Variants in C8A observed in about 807,000 individuals in gnomAD.
C8A encodes complement C8 alpha chain, also known as complement component C8 alpha chain.
A neutral mutation model predicts 65.3 loss-of-function variants in C8A; 67 were observed. That is an observed-to-expected ratio of 1.03 (90% CI 0.84 to 1.26). C8A has a LOEUF of 1.26. Ranked by LOEUF, C8A falls within the 50% of genes most tolerant of loss-of-function variation. The probability of loss-of-function intolerance (pLI) is 0.00; values close to 1 mark genes in which losing one functional copy is unlikely to be tolerated. For synonymous variants in C8A, 290 were observed against 259.4 expected, an observed-to-expected ratio of 1.12 and a Z score of -1.13; for missense variants, 781 against 723.9, an observed-to-expected ratio of 1.08 and a Z score of -0.90.
chr1:56,885,328 A>AC (rs1491481556), intron 6 of C8A, among the ~76,000 whole-genome samples: 22 of 125,874 alleles, frequency 1.7e-4, no homozygotes, highest in African/African-American at 5.2e-4. Context: ...ATATTTATTT[A>AC]AATATATATT....
At position 56,886,021 on chromosome 1, in the gene C8A, C is replaced by T. The variant is rs563439122; in HGVS notation, c.950C>T (p.Ser317Leu). Residue 317 changes from serine to leucine, a missense_variant, in exon 7 of 11, where the codon TCA becomes TTA. By Grantham distance (145) the Ser-to-Leu change is moderately radical. Coordinates refer to ENST00000361249, the MANE Select transcript of C8A (RefSeq NM_000562.3). ...DIMLDEGMLQ[S>L]LMELPDQYNY... ...ATGCTGGATGAAGGAATGCTGCAGT[C>T]ATTAATGGAGCTTCCAGATCAGTAC... 6.2e-7 allele frequency: 1 copy of T among 1,614,040 alleles called. No homozygotes were observed. Among genetic ancestry groups the T allele is most frequent in the African/African-American group, 1.3e-5 (1 of 75,058 alleles).
At chr1:56,907,541 G>A (rs1644475462) in intron 8 of C8A, among the ~76,000 whole-genome samples, 1 of 152,126 alleles carries the variant, frequency 6.6e-6, no homozygotes, top group African/African-American at 2.4e-5. Flanking sequence ...TAGCTAACTA[G>A]TTTCTTTCAC....
intron 9 of C8A, among the ~76,000 whole-genome samples, chr1:56,912,183 C>T (rs1644513033): frequency 6.6e-6 from 1 of 152,198 alleles, no homozygotes; most frequent in Non-Finnish European, 1.5e-5. Context: ...CTGAGCCAGT[C>T]ACTTAAACAC....
In C8A at chr1:56,877,673, G is replaced by A. The variant is rs138397720; in HGVS notation, c.464+1464G>A. 2.5e-3 allele frequency among the ~76,000 whole-genome samples: 377 copies of A among 152,170 alleles called. 1 individual carries two copies. The highest frequency in any genetic ancestry group is 4.8e-3 in the Admixed American group (74 of 15,286). Reference sequence around the variant, plus strand: ...GTCAGAGCTTGTCCTATAGCCTCTCGCTGAGTGTTGGTTGAATTGAAACAA... The same window carrying A: ...GTCAGAGCTTGTCCTATAGCCTCTCACTGAGTGTTGGTTGAATTGAAACAA... On this transcript the variant is annotated intron_variant, in intron 4 of 10. Coordinates refer to ENST00000361249, the MANE Select transcript of C8A (RefSeq NM_000562.3).
intron 7 of C8A, among the ~76,000 whole-genome samples, chr1:56,898,081 G>A (rs377734055): frequency 1.3e-5 from 2 of 152,134 alleles, no homozygotes; most frequent in East Asian, 3.9e-4. Context: ...GGAAGAGAAG[G>A]GAGTTGCATG....
intron 7 of C8A, among the ~76,000 whole-genome samples, chr1:56,906,279 C>T (rs1644463246): frequency 6.6e-6 from 1 of 152,000 alleles, no homozygotes; most frequent in Admixed American, 6.6e-5. Flanking sequence ...GGAGGAGGGG[C>T]ATTTAGAGTA....
Position 56,885,812 on chromosome 1 carries a change from A to C in C8A, c.856-115A>C, listed in dbSNP as rs376936908. On this transcript the variant is annotated intron_variant, in intron 6 of 10. Transcript: ENST00000361249. ...TGATCCTCCAGCTTCTGCCTCCCAA[A>C]ATGCTGGGATTACAGGCATGAGCCA... 128 of 1,432,496 alleles carry C rather than the reference A, an allele frequency of 8.9e-5. 4 individuals carry two copies. Among genetic ancestry groups the C allele is most frequent in the East Asian group, 4.7e-4 (20 of 42,520 alleles). The allele number at this position is 1,432,496 out of a possible 1,614,324, so 88.7% of individuals were successfully genotyped here.
intron 1 of C8A, among the ~76,000 whole-genome samples, chr1:56,858,435 G>C (rs1643998061): frequency 6.6e-6 from 1 of 152,152 alleles, no homozygotes; most frequent in Non-Finnish European, 1.5e-5. Flanking sequence ...TTGATGAAAA[G>C]CAGAATTCCT....
chr1:56,855,828 G>A (rs983685284), intron 1 of C8A, among the ~76,000 whole-genome samples: 12 of 151,962 alleles, frequency 7.9e-5, no homozygotes, highest in African/African-American at 2.2e-4. Flanking sequence ...TAGAGCAAGT[G>A]AGAATTCCTT....
chr1:56,912,124 C>T (rs1312685579), intron 9 of C8A, among the ~76,000 whole-genome samples: 1 of 152,138 alleles, frequency 6.6e-6, no homozygotes, highest in African/African-American at 2.4e-5. Flanking sequence ...TTTTAACTGC[C>T]CCTCTCTAAA....
chr1:56,906,927 C>T (rs1233110715), intron 8 of C8A, 135 bp downstream of exon 8: 3 of 1,052,230 alleles, frequency 2.9e-6, no homozygotes, highest in Non-Finnish European at 4.4e-6. Flanking sequence ...ACGCTAAATA[C>T]CCCAAAACAA....
At chr1:56,862,581 C>T (rs1644044835) in intron 1 of C8A, among the ~76,000 whole-genome samples, 1 of 152,180 alleles carries the variant, frequency 6.6e-6, no homozygotes, top group Admixed American at 6.5e-5. Flanking sequence ...TGGTACTCTG[C>T]AGGGTACATT....
chr1:56,909,198 G>T (rs913143328), intron 9 of C8A, among the ~76,000 whole-genome samples: 29 of 152,216 alleles, frequency 1.9e-4, no homozygotes, highest in African/African-American at 6.5e-4. Flanking sequence ...TCCATATGTG[G>T]TGTAGTCCAT....
At chr1:56,878,943 C>A (rs1644225570) in intron 4 of C8A, among the ~76,000 whole-genome samples, 1 of 152,178 alleles carries the variant, frequency 6.6e-6, no homozygotes, top group South Asian at 2.1e-4. Context: ...CACTTTTATA[C>A]TTAATAGTAG....
chr1:56,893,410 G>A (rs1265720671), intron 7 of C8A, among the ~76,000 whole-genome samples: 2 of 152,124 alleles, frequency 1.3e-5, no homozygotes, highest in Admixed American at 1.3e-4. Context: ...GATACATCTG[G>A]GTGGGGCTCT....
intron 7 of C8A, among the ~76,000 whole-genome samples, chr1:56,891,516 C>A (rs1056494389): frequency 2.6e-5 from 4 of 151,988 alleles, no homozygotes; most frequent in African/African-American, 9.7e-5. Flanking sequence ...ATTAGAGGAG[C>A]AGGAGTGGAC....
In C8A at chr1:56,876,078, C is replaced by A; in HGVS notation, c.333C>A (p.Arg111=). The part of the protein sequence containing the change: ...QCKETGRCLK[R]HLVCNGDQDC... ...TCTCTCCAGGTCGCTGCCTGAAACGCCACCTTGTGTGTAATGGAGACCAGG... is the reference window on the plus strand; with the variant it reads ...TCTCTCCAGGTCGCTGCCTGAAACGACACCTTGTGTGTAATGGAGACCAGG... Residue 111 remains arginine, a synonymous_variant, in exon 4 of 11, where the codon CGC becomes CGA. Transcript: ENST00000361249. 1 of 1,613,696 alleles carries A rather than the reference C, an allele frequency of 6.2e-7. No homozygotes were observed. Among genetic ancestry groups the A allele is most frequent in the Non-Finnish European group, 8.5e-7 (1 of 1,179,812 alleles).
Position 56,906,808 on chromosome 1 carries a change from T to C in C8A, c.1222+16T>C, listed in dbSNP as rs762459204. 1.3e-5 allele frequency: 21 copies of C among 1,613,906 alleles called. No homozygotes were observed. Among genetic ancestry groups the C allele is most frequent in the South Asian group, 3.3e-5 (3 of 91,074 alleles). ...GGCAAAACTGGCAAGTGTTTAGTAA[T>C]AGATCTCCCAAAAAGAGAAGCCAGG... is the stretch of plus-strand genomic sequence containing the variant. On this transcript the variant is annotated intron_variant, in intron 8 of 10. Coordinates refer to ENST00000361249, the MANE Select transcript of C8A (RefSeq NM_000562.3).
chr1:56,908,183 C>T (rs1644482184), intron 9 of C8A, 70 bp downstream of exon 9: 1 of 1,490,690 alleles, frequency 6.7e-7, no homozygotes, highest in East Asian at 2.3e-5. Context: ...CAGATCATTT[C>T]ATATTTCTTA....
Sources: gnomAD v4.1 joint callset for allele counts (sites outside exome capture counted in the v4.1 genomes callset) on GRCh38, gnomAD v4.1.1 for gene constraint, MANE v1.5 for transcripts, NCBI Gene and HGNC (gene_info 2026-07-23, HGNC 2026-07-21) for gene names.